AKT3: variants seen among roughly 807,000 people sequenced by gnomAD.
The protein encoded by AKT3 is RAC-gamma serine/threonine-protein kinase.
AKT3 carries 15 observed loss-of-function variants against 65.3 expected under a neutral mutation model. That is an observed-to-expected ratio of 0.23 (90% CI 0.15 to 0.35). The LOEUF (loss-of-function observed/expected upper bound fraction) is 0.35. Among genes scored for constraint, AKT3 ranks in the 10% least tolerant of loss-of-function variants. AKT3 has a pLI of 1.00. For missense variants in AKT3, 243 were observed against 576.5 expected (o/e 0.42, Z 5.92); for synonymous variants, 206 against 183.8 (o/e 1.12, Z -0.98).
chr1:243,633,120 G>C (rs1457903968), intron 6 of AKT3, among the ~76,000 whole-genome samples: 1 of 152,070 alleles, frequency 6.6e-6, no homozygotes, highest in Non-Finnish European at 1.5e-5. Context: ...AGTGCTGAAG[G>C]AAAAAAACTA....
intron 4 of AKT3, among the ~76,000 whole-genome samples, chr1:243,660,512 C>A (rs1382939097): frequency 2.0e-5 from 3 of 152,112 alleles, no homozygotes; most frequent in Non-Finnish European, 4.4e-5. Context: ...ATTCAACAAC[C>A]CTTCATGCTA....
intron 6 of AKT3, among the ~76,000 whole-genome samples, chr1:243,633,683 CAATT>C (rs1679771985): frequency 6.6e-6 from 1 of 151,752 alleles, no homozygotes; most frequent in South Asian, 2.1e-4. Flanking sequence ...ACTAAAAAAT[CAATT>C]AAACACAAAA....
chr1:243,564,630 T>C (rs1029888972), intron 9 of AKT3, among the ~76,000 whole-genome samples: 3 of 152,104 alleles, frequency 2.0e-5, no homozygotes, highest in Non-Finnish European at 2.9e-5. Flanking sequence ...AACCAGCCAG[T>C]TCCCCTCGAG....
intron 2 of AKT3, among the ~76,000 whole-genome samples, chr1:243,787,100 G>A (rs886372121): frequency 1.3e-5 from 2 of 152,142 alleles, no homozygotes; most frequent in South Asian, 2.1e-4. Context: ...GGTTGGTGTG[G>A]AATAACTGCC....
At chr1:243,686,651 ATTTTTTTTTTT>A (rs143487611) in intron 3 of AKT3, among the ~76,000 whole-genome samples, 4 of 23,520 alleles carry the variant, frequency 1.7e-4, no homozygotes, top group African/African-American at 3.2e-4. Context: ...ATATATATAT[ATTTTTTTTTTT>A]TTTTTTTTTT....
At chr1:243,619,191 G>A (rs1386963844) in intron 6 of AKT3, among the ~76,000 whole-genome samples, 4 of 152,096 alleles carry the variant, frequency 2.6e-5, no homozygotes, top group African/African-American at 7.2e-5. Context: ...TGGGAGAAAC[G>A]GGAAGAGGGT....
intron 2 of AKT3, among the ~76,000 whole-genome samples, chr1:243,765,914 G>C (rs2148259844): frequency 6.6e-6 from 1 of 152,214 alleles, no homozygotes; most frequent in African/African-American, 2.4e-5. Context: ...ACAGAAAAGG[G>C]CACCTGTGAA....
intron 3 of AKT3, among the ~76,000 whole-genome samples, chr1:243,674,850 G>A (rs1418683344): frequency 6.6e-6 from 1 of 152,170 alleles, no homozygotes; most frequent in Middle Eastern, 3.2e-3. Flanking sequence ...TTCAATTCAT[G>A]AAGTAGATGT....
chr1:243,826,891 C>T (rs1694201885), intron 2 of AKT3, among the ~76,000 whole-genome samples: 1 of 152,112 alleles, frequency 6.6e-6, no homozygotes, highest in African/African-American at 2.4e-5. Context: ...AGCAAACATT[C>T]TGATGCCAAG....
chr1:243,583,590 CA>C (rs1482315722), intron 8 of AKT3, among the ~76,000 whole-genome samples: 2 of 126,084 alleles, frequency 1.6e-5, no homozygotes, highest in Non-Finnish European at 3.3e-5. Context: ...GAAAAACAAA[CA>C]AAAAAACCCT....
chr1:243,750,922 A>C (rs1465829056), intron 2 of AKT3, among the ~76,000 whole-genome samples: 1 of 152,164 alleles, frequency 6.6e-6, no homozygotes, highest in African/African-American at 2.4e-5. Flanking sequence ...TTAAAAAGAA[A>C]TAATGTTTTT....
intron 2 of AKT3, among the ~76,000 whole-genome samples, chr1:243,696,693 C>T (rs1169008304): frequency 6.6e-6 from 1 of 151,968 alleles, no homozygotes; most frequent in Non-Finnish European, 1.5e-5. Flanking sequence ...CTGAAGGTTC[C>T]CCTCCTTATC....
intron 3 of AKT3, among the ~76,000 whole-genome samples, chr1:243,684,290 A>G (rs895054371): frequency 9.9e-5 from 15 of 151,972 alleles, no homozygotes; most frequent in Non-Finnish European, 2.2e-4. Flanking sequence ...TATTTCTCCT[A>G]ATGCTATCCC....
intron 8 of AKT3, among the ~76,000 whole-genome samples, chr1:243,589,681 G>C (rs1676088185): frequency 6.6e-6 from 1 of 152,034 alleles, no homozygotes; most frequent in Non-Finnish European, 1.5e-5. Context: ...CTCACTTCTA[G>C]GTATATATAT....
At chr1:243,570,662 T>C (rs185819295) in intron 9 of AKT3, among the ~76,000 whole-genome samples, 1 of 152,336 alleles carries the variant, frequency 6.6e-6, no homozygotes, top group Admixed American at 6.5e-5. Context: ...TTCTGTGATC[T>C]TACCTAAAAT....
intron 3 of AKT3, among the ~76,000 whole-genome samples, chr1:243,670,702 T>A (rs925110015): frequency 2.0e-5 from 3 of 152,234 alleles, no homozygotes; most frequent in African/African-American, 7.2e-5. Context: ...ACTCTTATTA[T>A]AACATCTACT....
intron 2 of AKT3, among the ~76,000 whole-genome samples, chr1:243,759,056 G>C (rs1689327163): frequency 6.6e-6 from 1 of 152,248 alleles, no homozygotes; most frequent in African/African-American, 2.4e-5. Flanking sequence ...GCTCATGCCT[G>C]TAATCCCAGC....
intron 2 of AKT3, among the ~76,000 whole-genome samples, chr1:243,717,230 CT>C (rs1686569014): frequency 6.6e-6 from 1 of 152,160 alleles, no homozygotes. Flanking sequence ...GTTTAAGTAA[CT>C]TCCATATAAT....
intron 2 of AKT3, among the ~76,000 whole-genome samples, chr1:243,753,581 T>C (rs565597602): frequency 3.3e-4 from 51 of 152,354 alleles, no homozygotes; most frequent in Middle Eastern, 6.8e-3. Context: ...GTCCTTTCAG[T>C]ATGTACATCT....
Sources: gnomAD v4.1 joint callset for allele counts (sites outside exome capture counted in the v4.1 genomes callset) on GRCh38, gnomAD v4.1.1 for gene constraint, MANE v1.5 for transcripts, NCBI Gene and HGNC (gene_info 2026-07-23, HGNC 2026-07-21) for gene names.